RNPS1: variants seen among roughly 807,000 people sequenced by gnomAD.
The protein encoded by RNPS1 is RNA-binding protein with serine-rich domain 1.
For synonymous variants in RNPS1, 147 were observed against 150.0 expected (o/e 0.98, Z 0.15); for missense variants, 300 against 427.6 (o/e 0.70, Z 2.63).
chr16:2,254,902 C>T (rs952455513), intron 7 of RNPS1, among the ~76,000 whole-genome samples: 4 of 151,644 alleles, frequency 2.6e-5, no homozygotes, highest in South Asian at 2.1e-4. Flanking sequence ...CCACCACGCC[C>T]GGCTAATTTT....
chr16:2,259,593 A>G (rs764465239), intron 6 of RNPS1, among the ~76,000 whole-genome samples: 1 of 152,228 alleles, frequency 6.6e-6, no homozygotes. Flanking sequence ...CAGGACTCTT[A>G]AAGAGCTAAA....
intron 1 of RNPS1, 168 bp from the exon 2 acceptor site, chr16:2,264,928 C>CGTCT: frequency 2.6e-6 from 1 of 382,442 alleles, no homozygotes; most frequent in Non-Finnish European, 4.6e-6. Flanking sequence ...CTCCTGGAGG[C>CGTCT]GTCTCTACCC....
intron 4 of RNPS1, 25 bp downstream of exon 4, chr16:2,263,071 T>A: frequency 1.9e-6 from 3 of 1,606,958 alleles, no homozygotes; most frequent in Non-Finnish European, 2.6e-6. Flanking sequence ...TTGTAAACTT[T>A]AGCTCCCAGG....
chr16:2,267,994 C>G, intron 1 of RNPS1, 61 bp downstream of exon 1: 1 of 1,533,472 alleles, frequency 6.5e-7, no homozygotes, highest in Middle Eastern at 2.3e-4. Flanking sequence ...ACGAGGCGTC[C>G]TGCCGGGCCT....
intron 6 of RNPS1, among the ~76,000 whole-genome samples, chr16:2,259,876 G>A (rs191369843): frequency 5.9e-5 from 9 of 152,298 alleles, no homozygotes; most frequent in Non-Finnish European, 1.0e-4. Context: ...GCGACAGAGC[G>A]AGACTCCGTC....
At chr16:2,267,840 G>A (rs1478034518) in intron 1 of RNPS1, 9 of 1,505,612 alleles carry the variant, frequency 6.0e-6, no homozygotes, top group East Asian at 2.6e-5. Context: ...GCGCCCTTCC[G>A]TCCGCAGCGG....
chr16:2,254,412 G>C (rs1198881973), intron 7 of RNPS1, among the ~76,000 whole-genome samples: 1 of 152,136 alleles, frequency 6.6e-6, no homozygotes, highest in African/African-American at 2.4e-5. Flanking sequence ...TCCTGCCTCA[G>C]CCTCCCGAGT....
intron 1 of RNPS1, chr16:2,267,807 A>C: frequency 6.9e-7 from 1 of 1,449,386 alleles, no homozygotes; most frequent in South Asian, 1.4e-5. Flanking sequence ...TGGCTGGGCC[A>C]CCGCCGAGCG....
At chr16:2,264,993 T>TG in intron 1 of RNPS1, 1 of 220,126 alleles carries the variant, frequency 4.5e-6, no homozygotes, top group Non-Finnish European at 9.1e-6. Flanking sequence ...TCTTAAAAAA[T>TG]GGAGATGGTG....
rs59023716 is a variant in RNPS1 at position 2,266,968 on chromosome 16, T to G, written c.-118+1087A>C. The G allele has an allele frequency of 8.0e-3, 1,772 of 221,496 alleles. 37 individuals are homozygous for G. Among genetic ancestry groups the G allele is most frequent in the African/African-American group, 0.039 (1,667 of 42,774 alleles). The allele number at this position is 221,496 out of a possible 1,614,324, so 13.7% of individuals were successfully genotyped here. Reference sequence around the variant, plus strand: ...CACATGTGGCCAATGGCTACTTGGCTGGACAGCACAGACCTAGAGTGGAGG... The same window carrying G: ...CACATGTGGCCAATGGCTACTTGGCGGGACAGCACAGACCTAGAGTGGAGG... On this transcript the variant is annotated intron_variant, in intron 1 of 7. Coordinates refer to ENST00000320225, the MANE Select transcript of RNPS1 (RefSeq NM_080594.4).
intron 6 of RNPS1, chr16:2,256,185 G>T (rs1278509651): frequency 1.1e-5 from 2 of 184,726 alleles, no homozygotes; most frequent in African/African-American, 4.8e-5. Flanking sequence ...AGGAAAAGAG[G>T]CATAAAAACT....
At chr16:2,261,544 G>A (rs891646079) in intron 6 of RNPS1, among the ~76,000 whole-genome samples, 2 of 152,200 alleles carry the variant, frequency 1.3e-5, no homozygotes, top group Non-Finnish European at 2.9e-5. Flanking sequence ...CAAATTGACA[G>A]TGGGGATTGT....
At chr16:2,263,420 G>A in intron 3 of RNPS1, 133 bp from the exon 4 acceptor site, 1 of 827,220 alleles carries the variant, frequency 1.2e-6, no homozygotes, top group Non-Finnish European at 1.9e-6. Flanking sequence ...GCTTTCAGCA[G>A]TGGGGAAAAC....
intron 7 of RNPS1, among the ~76,000 whole-genome samples, chr16:2,254,827 C>G (rs1164011012): frequency 6.8e-6 from 1 of 148,132 alleles, no homozygotes; most frequent in Non-Finnish European, 1.5e-5. Context: ...CTGCAAGCTC[C>G]ACCTCCCGGG....
chr16:2,261,192 CTT>C (rs1201625117), intron 6 of RNPS1, among the ~76,000 whole-genome samples: 3 of 151,990 alleles, frequency 2.0e-5, no homozygotes, highest in African/African-American at 7.2e-5. Flanking sequence ...CAATTTTTTC[CTT>C]TTTTGTTTCC....
chr16:2,262,236 C>T (rs189453052), intron 6 of RNPS1, 42 bp downstream of exon 6: 51 of 1,583,242 alleles, frequency 3.2e-5, no homozygotes, highest in Non-Finnish European at 4.2e-5. Flanking sequence ...CTCGCGGCGG[C>T]GGGTCTCTGA....
intron 7 of RNPS1, among the ~76,000 whole-genome samples, chr16:2,254,418 C>T (rs1041572168): frequency 2.0e-5 from 3 of 152,102 alleles, no homozygotes; most frequent in African/African-American, 7.2e-5. Flanking sequence ...CTCAGCCTCC[C>T]GAGTAACTGG....
rs1804278 is a variant in RNPS1 at position 2,253,453 on chromosome 16, T to C, written c.*511A>G. ...GACAGACAGAACCACGAGCAGCAAC[T>C]ACCATGGGTGAGAGGATCTTTGAGG... On this transcript the variant is annotated 3_prime_UTR_variant, in exon 8 of 8. Transcript: ENST00000320225. 3 of 208,864 alleles carry C rather than the reference T, an allele frequency of 1.4e-5. No homozygotes were observed. The highest frequency in any genetic ancestry group is 5.7e-5 in the Admixed American group (1 of 17,430). 12.9% of individuals were successfully genotyped at this position (208,864 alleles called of 1,614,324 possible). A position where few individuals can be genotyped will look rare whatever the true frequency, so the allele number is the denominator to read the frequency against.
intron 6 of RNPS1, chr16:2,256,375 T>C (rs894686121): frequency 6.5e-6 from 1 of 152,736 alleles, no homozygotes; most frequent in African/African-American, 2.4e-5. Context: ...CTGGCTAACA[T>C]GGTGAAACCC....
Sources: gnomAD v4.1 joint callset for allele counts (sites outside exome capture counted in the v4.1 genomes callset) on GRCh38, gnomAD v4.1.1 for gene constraint, MANE v1.5 for transcripts, NCBI Gene and HGNC (gene_info 2026-07-23, HGNC 2026-07-21) for gene names.